The following BMPR2 variants were observed in gnomAD, a reference collection of about 807,000 sequenced individuals.
The protein encoded by BMPR2 is bone morphogenetic protein receptor type-2.
Under a neutral mutation model 100.8 loss-of-function variants are expected in BMPR2, and 29 were observed. The ratio of observed to expected loss-of-function variants is 0.29; its 90% CI spans 0.21 to 0.39. The LOEUF (loss-of-function observed/expected upper bound fraction) is 0.39. BMPR2 is among the 10% of genes least tolerant of loss of function. The pLI, the probability that BMPR2 is intolerant of heterozygous loss-of-function variation, is 1.00. For synonymous variants in BMPR2, 382 were observed against 442.3 expected, an observed-to-expected ratio of 0.86 and a Z score of 1.71; for missense variants, 1,011 against 1,274.5, an observed-to-expected ratio of 0.79 and a Z score of 3.15.
rs1236150964 is a variant in BMPR2, at chr2:202,556,242, T to G, written c.2577T>G (p.Asn859Lys). 6.2e-7 allele frequency: 1 copy of G among 1,613,686 alleles called. No homozygotes were observed. Among genetic ancestry groups the G allele is most frequent in the Non-Finnish European group, 8.5e-7 (1 of 1,179,632 alleles). ...NQFIGEDTRL[N>K]INSSPDEHEP... ...TTATTGGTGAGGACACCCGGCTGAA[T>G]ATTAATTCCAGTCCTGATGAGCATG... Residue 859 changes from asparagine to lysine, a missense_variant, in exon 12 of 13, where the codon AAT (asparagine) becomes AAG (lysine). Asn to Lys is a moderately conservative substitution (Grantham distance 94). Coordinates refer to ENST00000374580, the MANE Select transcript of BMPR2 (RefSeq NM_001204.7).
intron 12 of BMPR2, among the ~76,000 whole-genome samples, chr2:202,558,169 C>T (rs971774783): frequency 6.6e-6 from 1 of 152,008 alleles, no homozygotes; most frequent in African/African-American, 2.4e-5. Flanking sequence ...AAATTTAAAA[C>T]TTAGTTTGGT....
chr2:202,549,737 A>T (rs111496271), intron 10 of BMPR2, among the ~76,000 whole-genome samples: 5 of 136,230 alleles, frequency 3.7e-5, no homozygotes, highest in African/African-American at 1.4e-4. Flanking sequence ...ACAGAGCAAG[A>T]CTCTGTCTCA....
At chr2:202,480,321 GT>G (rs1409019266) in intron 3 of BMPR2, among the ~76,000 whole-genome samples, 1 of 151,964 alleles carries the variant, frequency 6.6e-6, no homozygotes, top group East Asian at 1.9e-4. Flanking sequence ...TAGAGATGGG[GT>G]TTTGCCATGT....
At chr2:202,388,761 C>T (rs1374205304) in intron 1 of BMPR2, among the ~76,000 whole-genome samples, 4 of 148,098 alleles carry the variant, frequency 2.7e-5, no homozygotes, top group Admixed American at 6.8e-5. Flanking sequence ...GCACTCCAGC[C>T]TGGGCGACAC....
intron 9 of BMPR2, among the ~76,000 whole-genome samples, chr2:202,536,041 C>T (rs1037932268): frequency 6.6e-6 from 1 of 152,090 alleles, no homozygotes; most frequent in African/African-American, 2.4e-5. Flanking sequence ...CCAGCTTCGG[C>T]TCGGCATGAG....
chr2:202,392,451 AAAGT>A (rs149905396), intron 1 of BMPR2, among the ~76,000 whole-genome samples: 14,945 of 152,190 alleles, frequency 0.098, 971 homozygotes, highest in South Asian at 0.25. Context: ...CCAAATAAAG[AAAGT>A]GTTACATTTG....
intron 1 of BMPR2, among the ~76,000 whole-genome samples, chr2:202,418,164 C>T (rs1425712912): frequency 6.6e-6 from 1 of 152,158 alleles, no homozygotes; most frequent in Admixed American, 6.5e-5. Flanking sequence ...TGGAACTAAG[C>T]CTGCAATATC....
At chr2:202,478,503 G>A (rs544401293) in intron 3 of BMPR2, among the ~76,000 whole-genome samples, 1 of 152,224 alleles carries the variant, frequency 6.6e-6, no homozygotes, top group Non-Finnish European at 1.5e-5. Flanking sequence ...TTCCAAAGTA[G>A]TCCCAACTGT....
chr2:202,550,245 T>G (rs1574503891), intron 10 of BMPR2, among the ~76,000 whole-genome samples: 1 of 151,714 alleles, frequency 6.6e-6, no homozygotes. Context: ...TGGTGGCGGG[T>G]GCCTGTAGTC....
chr2:202,464,488 A>G (rs900502921), intron 1 of BMPR2, among the ~76,000 whole-genome samples: 1 of 152,210 alleles, frequency 6.6e-6, no homozygotes, highest in Non-Finnish European at 1.5e-5. Flanking sequence ...GTAATTTTGA[A>G]CATGGACATT....
chr2:202,554,669 A>T (rs1258619908), intron 11 of BMPR2, among the ~76,000 whole-genome samples: 1 of 152,186 alleles, frequency 6.6e-6, no homozygotes, highest in Non-Finnish European at 1.5e-5. Context: ...ATTCTGCCTT[A>T]TACCTTAGGC....
At chr2:202,538,310 G>T (rs1034411788) in intron 9 of BMPR2, among the ~76,000 whole-genome samples, 2 of 151,806 alleles carry the variant, frequency 1.3e-5, no homozygotes. Flanking sequence ...TTAAAAATCA[G>T]CTGGTCGTGG....
At chr2:202,545,628 G>A (rs35711585) in intron 10 of BMPR2, among the ~76,000 whole-genome samples, 1 of 152,038 alleles carries the variant, frequency 6.6e-6, no homozygotes, top group Non-Finnish European at 1.5e-5. Flanking sequence ...CAGAGACAGG[G>A]TAGAGACACA....
At chr2:202,391,959 A>T (rs1248099811) in intron 1 of BMPR2, among the ~76,000 whole-genome samples, 1 of 151,032 alleles carries the variant, frequency 6.6e-6, no homozygotes, top group Non-Finnish European at 1.5e-5. Flanking sequence ...ATGAGGTTTC[A>T]CCATATTGCC....
intron 1 of BMPR2, among the ~76,000 whole-genome samples, chr2:202,390,653 A>G (rs1201728241): frequency 6.6e-6 from 1 of 151,744 alleles, no homozygotes; most frequent in African/African-American, 2.4e-5. Context: ...ATTTTCTTAT[A>G]CCTTTTCAAA....
intron 1 of BMPR2, among the ~76,000 whole-genome samples, chr2:202,384,600 C>CTTTCTTTG (rs1559020897): frequency 3.4e-5 from 3 of 87,520 alleles, no homozygotes; most frequent in African/African-American, 1.3e-4. Flanking sequence ...TTCTTTCTTT[C>CTTTCTTTG]TTTCTTTCTT....
chr2:202,472,082 C>T (rs1323281498), intron 3 of BMPR2, among the ~76,000 whole-genome samples: 3 of 152,192 alleles, frequency 2.0e-5, no homozygotes, highest in South Asian at 4.1e-4. Flanking sequence ...AAATTTTAAA[C>T]AATTTTTAAA....
intron 1 of BMPR2, among the ~76,000 whole-genome samples, chr2:202,449,645 A>G (rs1338416093): frequency 6.6e-6 from 1 of 152,196 alleles, no homozygotes; most frequent in Non-Finnish European, 1.5e-5. Flanking sequence ...TGGTTAAACA[A>G]CATTTCACAC....
chr2:202,439,271 C>G (rs1209301931), intron 1 of BMPR2, among the ~76,000 whole-genome samples: 2 of 149,582 alleles, frequency 1.3e-5, no homozygotes, highest in Non-Finnish European at 2.9e-5. Flanking sequence ...TTGCTCATTG[C>G]TAGTGTACAG....
Sources: allele counts gnomAD v4.1 joint callset (sites outside exome capture counted in the v4.1 genomes callset), GRCh38; gene constraint gnomAD v4.1.1; transcripts MANE v1.5; gene names NCBI Gene and HGNC (gene_info 2026-07-23, HGNC 2026-07-21).